PAK5: variants seen among roughly 807,000 people sequenced by gnomAD.
PAK5 encodes the protein serine/threonine-protein kinase PAK 5.
A neutral mutation model predicts 65.9 loss-of-function variants in PAK5; 16 were observed. The ratio of observed to expected loss-of-function variants is 0.24; its 90% CI spans 0.16 to 0.37. The LOEUF (loss-of-function observed/expected upper bound fraction) is 0.37, where lower values mean the gene tolerates loss of function less well. Ranked by LOEUF, PAK5 falls within the 10% of genes least tolerant of loss-of-function variation. The probability of loss-of-function intolerance (pLI) is 1.00; values close to 1 mark genes in which losing one functional copy is unlikely to be tolerated. For synonymous variants in PAK5, 371 were observed against 354.9 expected (o/e 1.05, Z -0.51); for missense variants, 785 against 903.9 (o/e 0.87, Z 1.69).
chr20:9,616,440 T>C (rs1457104698), intron 3 of PAK5, among the ~76,000 whole-genome samples: 2 of 152,170 alleles, frequency 1.3e-5, no homozygotes, highest in African/African-American at 4.8e-5. Flanking sequence ...CAAAGACAAG[T>C]AGCATGTTGG....
At chr20:9,828,443 G>C (rs1978449784) in intron 1 of PAK5, among the ~76,000 whole-genome samples, 1 of 152,086 alleles carries the variant, frequency 6.6e-6, no homozygotes, top group African/African-American at 2.4e-5. Flanking sequence ...TCCTCCGTCA[G>C]TGTTTTTATT....
intron 2 of PAK5, among the ~76,000 whole-genome samples, chr20:9,708,534 T>C (rs1241558550): frequency 1.3e-5 from 2 of 152,210 alleles, no homozygotes. Context: ...ATCATGATCA[T>C]CACCATCATC....
intron 2 of PAK5, among the ~76,000 whole-genome samples, chr20:9,700,642 AG>A (rs2047927857): frequency 6.6e-6 from 1 of 152,196 alleles, no homozygotes; most frequent in African/African-American, 2.4e-5. Context: ...CTGTTATACC[AG>A]GGAGAAGAAA....
At chr20:9,601,412 C>T (rs2046356656) in intron 3 of PAK5, among the ~76,000 whole-genome samples, 1 of 152,094 alleles carries the variant, frequency 6.6e-6, no homozygotes, top group Admixed American at 6.5e-5. Flanking sequence ...CTTTATTAAT[C>T]TTTATGTGCT....
intron 1 of PAK5, among the ~76,000 whole-genome samples, chr20:9,785,995 G>A (rs1223607440): frequency 6.6e-6 from 1 of 152,016 alleles, no homozygotes; most frequent in Non-Finnish European, 1.5e-5. Context: ...GGGGCTTCAC[G>A]CTTCCCATCT....
At chr20:9,600,331 G>A (rs189304062) in intron 3 of PAK5, among the ~76,000 whole-genome samples, 202 of 152,104 alleles carry the variant, frequency 1.3e-3, no homozygotes, top group African/African-American at 4.4e-3. Context: ...TGGCTATTTG[G>A]GCCCTTTGGG....
At chr20:9,720,033 G>T (rs1418821079) in intron 1 of PAK5, among the ~76,000 whole-genome samples, 2 of 152,112 alleles carry the variant, frequency 1.3e-5, no homozygotes, top group Non-Finnish European at 2.9e-5. Flanking sequence ...TCACTTCAAT[G>T]AATCTGCACC....
At chr20:9,775,887 T>G (rs961560255) in intron 1 of PAK5, among the ~76,000 whole-genome samples, 1 of 152,220 alleles carries the variant, frequency 6.6e-6, no homozygotes, top group Non-Finnish European at 1.5e-5. Flanking sequence ...AATTATGCAC[T>G]AATGAAAAAA....
intron 3 of PAK5, among the ~76,000 whole-genome samples, chr20:9,634,875 C>T (rs544041742): frequency 6.6e-6 from 1 of 152,082 alleles, no homozygotes. Context: ...AAGTAACAGG[C>T]ACCAAGAGAA....
chr20:9,767,954 C>G (rs1008175088), intron 1 of PAK5, among the ~76,000 whole-genome samples: 2 of 152,144 alleles, frequency 1.3e-5, no homozygotes, highest in African/African-American at 4.8e-5. Flanking sequence ...GTCTTTGCAG[C>G]AGCATGAATG....
chr20:9,776,670 G>T (rs192643232), intron 1 of PAK5, among the ~76,000 whole-genome samples: 2 of 152,110 alleles, frequency 1.3e-5, no homozygotes, highest in Non-Finnish European at 2.9e-5. Context: ...CTATGGAGAG[G>T]CCCATGAAGT....
intron 3 of PAK5, among the ~76,000 whole-genome samples, chr20:9,605,075 C>T (rs1307398476): frequency 6.6e-6 from 1 of 152,134 alleles, no homozygotes; most frequent in African/African-American, 2.4e-5. Flanking sequence ...GAGAGAAATC[C>T]ACATTGGGTG....
chr20:9,808,864 G>A (rs1490385233), intron 1 of PAK5, among the ~76,000 whole-genome samples: 1 of 152,074 alleles, frequency 6.6e-6, no homozygotes, highest in African/African-American at 2.4e-5. Context: ...TTAATTGTAT[G>A]CAATATGAAT....
intron 1 of PAK5, among the ~76,000 whole-genome samples, chr20:9,722,893 T>C (rs986874490): frequency 2.0e-5 from 3 of 151,918 alleles, no homozygotes; most frequent in African/African-American, 7.3e-5. Context: ...TGTGCCACCA[T>C]GCCCAGCTAA....
intron 3 of PAK5, among the ~76,000 whole-genome samples, chr20:9,599,087 T>G (rs993417674): frequency 5.3e-5 from 8 of 152,200 alleles, no homozygotes; most frequent in Non-Finnish European, 1.0e-4. Context: ...ACTTTGCCTA[T>G]CTAGCTTCCC....
At chr20:9,777,729 G>T (rs1289591428) in intron 1 of PAK5, among the ~76,000 whole-genome samples, 2 of 152,164 alleles carry the variant, frequency 1.3e-5, no homozygotes, top group Admixed American at 6.5e-5. Context: ...AGCTAGAAAG[G>T]AGAACAAAAC....
In PAK5 at chr20:9,566,337, C is replaced by T. The variant is rs762679373; in HGVS notation, c.1038G>A (p.Gly346=). 6.2e-7 allele frequency: 1 copy of T among 1,612,956 alleles called. No homozygotes were observed. The highest frequency in any genetic ancestry group is 8.5e-7 in the Non-Finnish European group (1 of 1,179,262). ...AQMVLSPPLS[G]SDTYPRGPAK... ...CAGGGCCCCTGGGGTAGGTGTCAGACCCTGACAGTGGAGGGCTGAGGACCA... is the reference window on the plus strand; with the variant it reads ...CAGGGCCCCTGGGGTAGGTGTCAGATCCTGACAGTGGAGGGCTGAGGACCA... Residue 346 remains glycine, a synonymous_variant, in exon 5 of 10, where the codon GGG becomes GGA. Coordinates refer to ENST00000353224, the MANE Select transcript of PAK5 (RefSeq NM_177990.4).
At chr20:9,788,505 C>G (rs892066689) in intron 1 of PAK5, among the ~76,000 whole-genome samples, 2 of 152,016 alleles carry the variant, frequency 1.3e-5, no homozygotes, top group Admixed American at 1.3e-4. Flanking sequence ...AGGAGAGAAG[C>G]CCTACAGTGT....
chr20:9,647,313 C>T (rs933920985), intron 2 of PAK5, among the ~76,000 whole-genome samples: 1 of 152,210 alleles, frequency 6.6e-6, no homozygotes, highest in Admixed American at 6.5e-5. Context: ...GCATAAAATA[C>T]ATTTGAAAAT....
Sources: gnomAD v4.1 joint callset for allele counts (sites outside exome capture counted in the v4.1 genomes callset) on GRCh38, gnomAD v4.1.1 for gene constraint, MANE v1.5 for transcripts, NCBI Gene and HGNC (gene_info 2026-07-23, HGNC 2026-07-21) for gene names.